The following DMRTC2 variants were observed in gnomAD, a reference collection of about 807,000 sequenced individuals.
The protein encoded by DMRTC2 is DMRT like family C2.
Under a neutral mutation model 39.9 loss-of-function variants are expected in DMRTC2, and 13 were observed. The ratio of observed to expected loss-of-function variants is 0.33; its 90% CI spans 0.21 to 0.52. DMRTC2 has a LOEUF of 0.52. DMRTC2 is among the 20% of genes least tolerant of loss of function. DMRTC2 has a pLI of 0.96. For missense variants in DMRTC2, 431 were observed against 472.8 expected (o/e 0.91, Z 0.82); for synonymous variants, 189 against 185.2 (o/e 1.02, Z -0.17).
At chr19:41,850,095 A>G (rs1555836969) in intron 6 of DMRTC2, 4 of 429,264 alleles carry the variant, frequency 9.3e-6, no homozygotes, top group East Asian at 3.4e-5. Flanking sequence ...AAAAAAAGAC[A>G]CTAGTGATTT....
rs2073910049 is a variant in DMRTC2, at chr19:41,848,845, G to T, written c.498G>T (p.Leu166Phe). The T allele has an allele frequency of 6.2e-7, 1 of 1,611,694 alleles. No individual in the cohort carries two copies. The highest frequency in any genetic ancestry group is 2.2e-5 in the East Asian group (1 of 44,886). ...LLSHPPEASP[L>F]SWTPVPPGPW... ...GCCATCCCCCGGAAGCCTCGCCCTTGTCCTGGACTCCGGTGCCTCCTGGCC... is the reference window on the plus strand; with the variant it reads ...GCCATCCCCCGGAAGCCTCGCCCTTTTCCTGGACTCCGGTGCCTCCTGGCC... The change falls in exon 5 of 9, where the codon TTG becomes TTT. Residue 166 changes from leucine to phenylalanine, a missense_variant. Transcript: ENST00000269945.
Position 41,847,712 on chromosome 19 carries a change from T to G in DMRTC2, c.225-24T>G, listed in dbSNP as rs782313602. 6 of 1,614,036 alleles carry G rather than the reference T, an allele frequency of 3.7e-6. No homozygotes were observed. In the South Asian group the frequency reaches 6.6e-5, roughly 18 times the overall value. On this transcript the variant is annotated intron_variant, in intron 2 of 8. Coordinates refer to ENST00000269945, the MANE Select transcript of DMRTC2 (RefSeq NM_001040283.3). ...CCTCCTCCAAAGGGTGGCTGACCTTTGACTTGCAACTCCCCACTTTTAGGG... is the reference window on the plus strand; with the variant it reads ...CCTCCTCCAAAGGGTGGCTGACCTTGGACTTGCAACTCCCCACTTTTAGGG...
At chr19:41,847,709 C>T in intron 2 of DMRTC2, 27 bp from the exon 3 acceptor site, 1 of 1,613,960 alleles carries the variant, frequency 6.2e-7, no homozygotes, top group Non-Finnish European at 8.5e-7. Flanking sequence ...GGTGGCTGAC[C>T]TTTGACTTGC....
Position 41,851,992 on chromosome 19 carries a change from A to G in DMRTC2, c.*296A>G, listed in dbSNP as rs2073963245. 3 of 377,920 alleles carry G rather than the reference A, an allele frequency of 7.9e-6. No homozygotes were observed. The highest frequency in any genetic ancestry group is 4.1e-5 in the African/African-American group (2 of 48,650). 23.4% of individuals were successfully genotyped at this position (377,920 alleles called of 1,614,324 possible). A position where few individuals can be genotyped will look rare whatever the true frequency, so the allele number is the denominator to read the frequency against. ...GAGAGTTGTGCTATTTAAGCTGACC[A>G]GTATCTATAAACGTGTTTGCATGAG... On this transcript the variant is annotated 3_prime_UTR_variant, in exon 9 of 9. Transcript: ENST00000269945.
chr19:41,848,561 C>G (rs1555836548), intron 4 of DMRTC2, 33 bp downstream of exon 4: 2 of 1,475,822 alleles, frequency 1.4e-6, no homozygotes, highest in Non-Finnish European at 1.8e-6. Context: ...GAAAGTGTCC[C>G]CCACCCTAGT....
chr19:41,847,575 T>G lies in DMRTC2; in HGVS notation c.147T>G (p.Gly49=). Residue 49 remains glycine, a synonymous_variant, in exon 2 of 9, where the codon GGT becomes GGG. Transcript: ENST00000269945. ...SPTCARCRNH[G]VTAHLKGHKR... is the part of the protein sequence containing the mutation. ...CCTGCGCCCGCTGCCGCAACCATGG[T>G]GTCACCGCCCATCTCAAGGGCCACA... is the stretch of plus-strand genomic sequence containing the variant. The G allele has an allele frequency of 6.2e-7, 1 of 1,614,144 alleles. No homozygotes were observed. Among genetic ancestry groups the G allele is most frequent in the Non-Finnish European group, 8.5e-7 (1 of 1,180,020 alleles).
Position 41,848,485 on chromosome 19 carries a change from C to G in DMRTC2, c.404C>G (p.Thr135Ser). ...GAGAACATAGCACCCCAGCCTCAGA[C>G]CCCCCATGGGGCAGTCCTGCTGGCA... ...GKENIAPQPQTPHGAVLLAPT... is the reference protein window; with the variant it reads ...GKENIAPQPQSPHGAVLLAPT... Residue 135 changes from threonine to serine, a missense_variant, in exon 4 of 9, where the codon ACC (threonine) becomes AGC (serine). By Grantham distance (58) the Thr-to-Ser change is moderately conservative. Coordinates refer to ENST00000269945, the MANE Select transcript of DMRTC2 (RefSeq NM_001040283.3). 6.2e-7 allele frequency: 1 copy of G among 1,604,562 alleles called. No individual in the cohort carries two copies. Among genetic ancestry groups the G allele is most frequent in the South Asian group, 1.1e-5 (1 of 89,040 alleles).
chr19:41,849,731 C>A (rs1417158599), intron 6 of DMRTC2, among the ~76,000 whole-genome samples: 1 of 152,074 alleles, frequency 6.6e-6, no homozygotes, highest in Admixed American at 6.5e-5. Context: ...GGGAATGGGA[C>A]CCAGACTCTG....
intron 3 of DMRTC2, 93 bp from the exon 4 acceptor site, chr19:41,848,359 G>A: frequency 9.3e-7 from 1 of 1,071,550 alleles, no homozygotes; most frequent in Non-Finnish European, 1.3e-6. Context: ...AAAAAAAAAT[G>A]AGCTAGATGG....
intron 8 of DMRTC2, 128 bp from the exon 9 acceptor site, chr19:41,851,456 A>T (rs1193791885): frequency 2.0e-5 from 15 of 753,354 alleles, no homozygotes; most frequent in Middle Eastern, 3.9e-4. Flanking sequence ...TGGGAAAATT[A>T]GCAAGGAGGT....
intron 8 of DMRTC2, 117 bp downstream of exon 8, chr19:41,850,817 G>C: frequency 9.0e-7 from 1 of 1,106,268 alleles, no homozygotes; most frequent in Admixed American, 3.2e-5. Flanking sequence ...TCAGGCCCAG[G>C]ACCCCAAGCT....
chr19:41,847,973 A>G (rs2123213849), intron 3 of DMRTC2, 92 bp downstream of exon 3: 1 of 1,448,012 alleles, frequency 6.9e-7, no homozygotes, highest in Non-Finnish European at 9.2e-7. Flanking sequence ...GAATTGGTGT[A>G]CGACCTTGAA....
intron 5 of DMRTC2, 49 bp from the exon 6 acceptor site, chr19:41,849,081 A>C: frequency 1.2e-6 from 2 of 1,612,378 alleles, no homozygotes; most frequent in Non-Finnish European, 1.7e-6. Context: ...GGAGGAAAGA[A>C]ACTATGACCT....
intron 1 of DMRTC2, among the ~76,000 whole-genome samples, chr19:41,847,087 A>C (rs1310102588): frequency 1.3e-5 from 2 of 148,924 alleles, no homozygotes; most frequent in African/African-American, 4.9e-5. Context: ...CAGGAGGCTG[A>C]GGCAGGAGAA....
In DMRTC2 at chr19:41,850,522, G is replaced by C; in HGVS notation, c.817-4G>C. The C allele has an allele frequency of 6.2e-7, 1 of 1,608,606 alleles. No homozygotes were observed. The highest frequency in any genetic ancestry group is 1.1e-5 in the South Asian group (1 of 90,436). On this transcript the variant is annotated splice_polypyrimidine_tract_variant and splice_region_variant and intron_variant, in intron 7 of 8. Coordinates refer to ENST00000269945, the MANE Select transcript of DMRTC2 (RefSeq NM_001040283.3). ...CAGTCTGCTTGTCTCCCTTTCCCTT[G>C]CAGGCCTCTGGAGCCTCGTGCCTGG... is the stretch of plus-strand genomic sequence containing the variant.
At chr19:41,846,651 T>C (rs1254785608) in intron 1 of DMRTC2, among the ~76,000 whole-genome samples, 1 of 152,000 alleles carries the variant, frequency 6.6e-6, no homozygotes, top group Non-Finnish European at 1.5e-5. Context: ...CACTGCCAGC[T>C]CTGCCTCCCG....
intron 6 of DMRTC2, 135 bp downstream of exon 6, chr19:41,849,391 T>G: frequency 7.9e-7 from 1 of 1,271,990 alleles, no homozygotes; most frequent in Admixed American, 2.3e-5. Flanking sequence ...GCTCTCCTAG[T>G]ACTGCCATTT....
At chr19:41,848,761 A>G in intron 4 of DMRTC2, 34 bp from the exon 5 acceptor site, 1 of 1,606,254 alleles carries the variant, frequency 6.2e-7, no homozygotes, top group Non-Finnish European at 8.5e-7. Context: ...CCAGCCTTGT[A>G]CCCAACTCCA....
Position 41,847,837 on chromosome 19 carries a change from C to T in DMRTC2, c.326C>T (p.Ala109Val). 6.3e-7 allele frequency: 1 copy of T among 1,595,262 alleles called. No homozygotes were observed. The highest frequency in any genetic ancestry group is 8.5e-7 in the Non-Finnish European group (1 of 1,170,584). The stretch of plus-strand genomic sequence containing the variant: ...AGGAGAGGGGAAGCCTCTCCCAAAG[C>T]TCCCAACCACTTCAGAAAGGGAACC... ...LMRRGEASPK[A>V]PNHFRKGTTQ... Residue 109 changes from alanine to valine, a missense_variant, in exon 3 of 9, where the codon GCT becomes GTT. Transcript: ENST00000269945.
Sources: allele counts gnomAD v4.1 joint callset (sites outside exome capture counted in the v4.1 genomes callset), GRCh38; gene constraint gnomAD v4.1.1; transcripts MANE v1.5; gene names NCBI Gene and HGNC (gene_info 2026-07-23, HGNC 2026-07-21).